The following ODAD4 variants were observed in gnomAD, a reference collection of about 807,000 sequenced individuals.
The protein encoded by ODAD4 is outer dynein arm docking complex subunit 4, also known as outer dynein arm-docking complex subunit 4.
In ODAD4, 49 loss-of-function variants were observed where a neutral mutation model predicts 51.8. The observed-to-expected ratio is 0.95, with a 90% CI of 0.75 to 1.20. The LOEUF (loss-of-function observed/expected upper bound fraction) is 1.20, where lower values mean the gene tolerates loss of function less well. Among genes scored for constraint, ODAD4 ranks in the 50% most tolerant of loss-of-function variants. The probability of loss-of-function intolerance (pLI) is 0.00; values close to 1 mark genes in which losing one functional copy is unlikely to be tolerated. For missense variants in ODAD4, 590 were observed against 586.5 expected (o/e 1.01, Z -0.06); for synonymous variants, 235 against 221.3 (o/e 1.06, Z -0.55).
Position 41,938,744 on chromosome 17 carries a change from C to T in ODAD4, c.813C>T (p.Ala271=). ...RDHKRRPSQT[A]HYILKSLEDI... ...ACAAACGCCGTCCCTCACAGACAGC[C>T]CATTACATCCTCAAGAGCCTGGAGG... Residue 271 remains alanine (A), a synonymous_variant, in exon 6 of 12, where the codon GCC becomes GCT. Transcript: ENST00000377540. 1.2e-6 allele frequency: 2 copies of T among 1,613,606 alleles called. No individual in the cohort carries two copies. The highest frequency in any genetic ancestry group is 1.7e-6 in the Non-Finnish European group (2 of 1,179,888).
intron 9 of ODAD4, among the ~76,000 whole-genome samples, chr17:41,949,840 T>C (rs1181860649): frequency 1.3e-5 from 2 of 149,490 alleles, no homozygotes; most frequent in African/African-American, 4.9e-5. Context: ...ACCTGGCTAA[T>C]TTTTTGTGTT....
Position 41,933,520 on chromosome 17 carries a change from C to T in ODAD4, c.115-1697C>T, listed in dbSNP as rs1221740967. 2.1e-4 allele frequency among the ~76,000 whole-genome samples: 32 copies of T among 151,932 alleles called. 1 individual carries two copies. Among genetic ancestry groups the T allele is most frequent in the Admixed American group, 2.0e-3 (30 of 15,244 alleles). ...ACAAAAAATCAACCGGACGTGGTGG[C>T]GAGTGCCTGTAATCCCAGCTACTCC... On this transcript the variant is annotated intron_variant, in intron 1 of 11. Coordinates refer to ENST00000377540, the MANE Select transcript of ODAD4 (RefSeq NM_031421.5).
Position 41,939,014 on chromosome 17 carries a change from G to T in ODAD4, c.900G>T (p.Val300=), listed in dbSNP as rs782213168. ...AEGSLQKAEK[V]LKKVLEWNKE... ...GGAGTCTTCAGAAAGCTGAGAAAGT[G>T]CTGAAGAAGGTACTGGAATGGAACA... is the stretch of plus-strand genomic sequence containing the variant. Residue 300 remains valine, a synonymous_variant, in exon 7 of 12, where the codon GTG becomes GTT. Coordinates refer to ENST00000377540, the MANE Select transcript of ODAD4 (RefSeq NM_031421.5). 6.2e-7 allele frequency: 1 copy of T among 1,613,014 alleles called. No homozygotes were observed. Among genetic ancestry groups the T allele is most frequent in the Admixed American group, 1.7e-5 (1 of 59,810 alleles).
At chr17:41,958,244 G>A (rs1487313186) in intron 10 of ODAD4, among the ~76,000 whole-genome samples, 2 of 152,138 alleles carry the variant, frequency 1.3e-5, no homozygotes, top group Admixed American at 6.5e-5. Context: ...GTCTGGGTGA[G>A]GAGCCCTCAC....
chr17:41,966,435 T>C lies in ODAD4; in HGVS notation c.*952T>C, dbSNP rs893039151. ...ATCCAATGTGGTAAAAAAAAAAGTTTTTAATTAATGCAAAAGTCCATGATG... is the reference window on the plus strand; with the variant it reads ...ATCCAATGTGGTAAAAAAAAAAGTTCTTAATTAATGCAAAAGTCCATGATG... On this transcript the variant is annotated 3_prime_UTR_variant, in exon 12 of 12. Transcript: ENST00000377540. Among the ~76,000 whole-genome samples the C allele has an allele frequency of 6.6e-6, 1 of 152,224 alleles. No individual in the cohort carries two copies. Among genetic ancestry groups the C allele is most frequent in the Non-Finnish European group, 1.5e-5 (1 of 68,042 alleles).
intron 8 of ODAD4, among the ~76,000 whole-genome samples, chr17:41,946,457 T>C (rs1487591936): frequency 6.6e-6 from 1 of 152,018 alleles, no homozygotes; most frequent in Non-Finnish European, 1.5e-5. Flanking sequence ...CCCGAGTAGC[T>C]GGCACTACAG....
At position 41,965,223 on chromosome 17, in the gene ODAD4, G is replaced by A. The variant is rs191841643; in HGVS notation, c.1759G>A (p.Gly587Arg). The A allele has an allele frequency of 3.6e-4, 276 of 775,680 alleles. No homozygotes were observed. The East Asian group carries it at 4.6e-3, about 13-fold the overall frequency. The allele number at this position is 775,680 out of a possible 1,614,324, so 48.0% of individuals were successfully genotyped here. Residue 587 changes from glycine (G) to arginine (R), a missense_variant, in exon 12 of 12, where the codon GGA becomes AGA. Gly to Arg is a moderately radical substitution (Grantham distance 125). Coordinates refer to ENST00000377540, the MANE Select transcript of ODAD4 (RefSeq NM_031421.5). ...DLGAVAKGLS[G>R]ELGTRSGETG... Reference sequence around the variant, plus strand: ...GGGAGCAGTTGCCAAGGGCCTGTCAGGAGAATTAGGCACAAGATCAGGAGA... The same window carrying A: ...GGGAGCAGTTGCCAAGGGCCTGTCAAGAGAATTAGGCACAAGATCAGGAGA...
intron 11 of ODAD4, 92 bp from the exon 12 acceptor site, chr17:41,964,901 C>T: frequency 1.6e-6 from 1 of 612,640 alleles, no homozygotes; most frequent in Non-Finnish European, 2.9e-6. Flanking sequence ...CCTCAGCCTC[C>T]CAAAGTGCTG....
chr17:41,945,963 C>T (rs532560158), intron 8 of ODAD4, among the ~76,000 whole-genome samples: 1 of 152,286 alleles, frequency 6.6e-6, no homozygotes, highest in Non-Finnish European at 1.5e-5. Flanking sequence ...CAAGTGGGCA[C>T]TGAGAAGGAC....
At chr17:41,943,115 C>T (rs1397568098) in intron 7 of ODAD4, among the ~76,000 whole-genome samples, 1 of 152,142 alleles carries the variant, frequency 6.6e-6, no homozygotes, top group East Asian at 1.9e-4. Context: ...AAAGTTGTCC[C>T]CCGCAACCCA....
chr17:41,961,505 C>T (rs782184790), intron 11 of ODAD4, 39 bp downstream of exon 11: 1 of 718,312 alleles, frequency 1.4e-6, no homozygotes, highest in African/African-American at 1.7e-5. Context: ...CTTCAGCATT[C>T]TCCCTCTGCT....
chr17:41,964,552 A>G (rs895660352), intron 11 of ODAD4, among the ~76,000 whole-genome samples: 4 of 152,190 alleles, frequency 2.6e-5, no homozygotes, highest in Non-Finnish European at 4.4e-5. Flanking sequence ...ACCAATTTAA[A>G]GAGCTGGCAA....
Position 41,935,693 on chromosome 17 carries a change from G to A in ODAD4, c.341G>A (p.Arg114Gln), listed in dbSNP as rs34520854. The A allele has an allele frequency of 9.2e-5, 148 of 1,613,744 alleles. No homozygotes were observed. The highest frequency in any genetic ancestry group is 1.1e-4 in the African/African-American group (8 of 74,930). ...CGAGGCTACAAGCTGAGGCCTGATC[G>A]GGAATTCAGAGTTGGCATTCAGAAA... ...YHRGYKLRPD[R>Q]EFRVGIQKAQ... The change falls in exon 3 of 12, where the codon CGG becomes CAG. Residue 114 changes from arginine (R) to glutamine (Q), a missense_variant. Arg to Gln is a conservative substitution (Grantham distance 43). Around this residue, in one of 3 missense-constraint regions of ODAD4, gnomAD observed 360 missense variants for 407.5 expected, o/e 0.88. Coordinates refer to ENST00000377540, the MANE Select transcript of ODAD4 (RefSeq NM_031421.5).
At chr17:41,935,454 C>T (rs1294545794) in intron 2 of ODAD4, 106 bp downstream of exon 2, 3 of 1,518,730 alleles carry the variant, frequency 2.0e-6, no homozygotes, top group Non-Finnish European at 8.9e-7. Context: ...GTGTTTGATG[C>T]CATTTTCTCT....
At chr17:41,943,083 G>GT (rs1335411365) in intron 7 of ODAD4, among the ~76,000 whole-genome samples, 2 of 152,048 alleles carry the variant, frequency 1.3e-5, no homozygotes, top group African/African-American at 4.8e-5. Context: ...CCAGAACTGC[G>GT]TGGTACTGAG....
intron 8 of ODAD4, among the ~76,000 whole-genome samples, chr17:41,948,321 CTT>C (rs1259244820): frequency 1.4e-5 from 2 of 139,232 alleles, no homozygotes; most frequent in Admixed American, 7.3e-5. Context: ...TCTTTCTTTC[CTT>C]TTTTTTTTTT....
chr17:41,953,195 G>C (rs1462495477), intron 9 of ODAD4, among the ~76,000 whole-genome samples: 2 of 152,050 alleles, frequency 1.3e-5, no homozygotes, highest in African/African-American at 4.8e-5. Flanking sequence ...CAGGTAGCTG[G>C]GATTACATGC....
intron 1 of ODAD4, among the ~76,000 whole-genome samples, chr17:41,934,038 C>CTTTTTTTTTTTTTTTTTTTTTTT (rs782039270): frequency 6.3e-4 from 41 of 65,498 alleles, no homozygotes; most frequent in East Asian, 9.9e-4. Flanking sequence ...TTCTTTCTTT[C>CTTTTTTTTTTTTTTTTTTTTTTT]TTTTTTTTTT....
chr17:41,945,809 G>A (rs143547632), intron 8 of ODAD4, among the ~76,000 whole-genome samples: 12 of 152,286 alleles, frequency 7.9e-5, no homozygotes, highest in African/African-American at 2.9e-4. Flanking sequence ...GCTGAGGCAG[G>A]AGAATCGCTT....
Sources: allele counts gnomAD v4.1 joint callset (sites outside exome capture counted in the v4.1 genomes callset), GRCh38; gene constraint gnomAD v4.1.1; regional missense constraint gnomAD v4.1.1; transcripts MANE v1.5; gene names NCBI Gene and HGNC (gene_info 2026-07-23, HGNC 2026-07-21).